ANO6: variants seen among roughly 807,000 people sequenced by gnomAD.
The protein encoded by ANO6 is anoctamin-6.
Under a neutral mutation model 117.5 loss-of-function variants are expected in ANO6, and 106 were observed. The ratio of observed to expected loss-of-function variants is 0.90; its 90% confidence interval spans 0.77 to 1.06. The LOEUF is 1.06. ANO6 is among the 50% of genes least tolerant of loss of function. The pLI is 0.00. For synonymous variants in ANO6, 367 were observed against 385.1 expected, an observed-to-expected ratio of 0.95 and a Z score of 0.55; for missense variants, 955 against 1,121.1, an observed-to-expected ratio of 0.85 and a Z score of 2.12.
Position 45,237,814 on chromosome 12 carries a change from C to T in ANO6, c.70+21423C>T, listed in dbSNP as rs1389873597. ...CATTGAATCTGTAAATTACCTTGGG[C>T]AGTATGGCCGTTTTCACAATATTGA... On this transcript the variant is annotated intron_variant, in intron 1 of 19. Transcript: ENST00000320560. 2.0e-5 allele frequency among the ~76,000 whole-genome samples: 3 copies of T among 152,144 alleles called. No individual in the cohort carries two copies. In the East Asian group the frequency reaches 5.8e-4, roughly 29 times the overall value.
chr12:45,348,934 C>G (rs1941213847), intron 6 of ANO6, among the ~76,000 whole-genome samples: 1 of 152,146 alleles, frequency 6.6e-6, no homozygotes, highest in Admixed American at 6.6e-5. Flanking sequence ...ACCAAAATGC[C>G]TGCCCTGCCA....
At chr12:45,285,643 C>T (rs1021919667) in intron 1 of ANO6, among the ~76,000 whole-genome samples, 2 of 151,534 alleles carry the variant, frequency 1.3e-5, no homozygotes, top group Non-Finnish European at 2.9e-5. Context: ...GCAGGAGAAT[C>T]GCTTGAACCC....
chr12:45,237,449 C>G (rs573134658), intron 1 of ANO6, among the ~76,000 whole-genome samples: 1 of 152,174 alleles, frequency 6.6e-6, no homozygotes, highest in East Asian at 1.9e-4. Context: ...TATGGCTAGC[C>G]AGTTTTCCCA....
At chr12:45,358,236 TC>T (rs1484752130) in intron 8 of ANO6, among the ~76,000 whole-genome samples, 2 of 152,216 alleles carry the variant, frequency 1.3e-5, no homozygotes, top group African/African-American at 2.4e-5. Context: ...GTCAGCCTGC[TC>T]CTGAGTTAGG....
chr12:45,240,612 T>C (rs1051440775), intron 1 of ANO6, among the ~76,000 whole-genome samples: 2 of 152,122 alleles, frequency 1.3e-5, no homozygotes, highest in African/African-American at 4.8e-5. Flanking sequence ...GCTGGTTATT[T>C]TGACCGTTAA....
intron 10 of ANO6, among the ~76,000 whole-genome samples, chr12:45,378,577 A>G (rs1299822593): frequency 6.6e-6 from 1 of 152,130 alleles, no homozygotes; most frequent in Admixed American, 6.6e-5. Flanking sequence ...GCTTCAGTGC[A>G]TATGCATTTT....
rs1441538404 is a variant in ANO6 at position 45,390,487 on chromosome 12, G to A, written c.1375G>A (p.Val459Ile). Reference sequence around the variant, plus strand: ...ACGGATAACCCTCTGTGCCAGTGCTGTCTTTTTCTGGGTAATTCTATCACA... The same window carrying A: ...ACGGATAACCCTCTGTGCCAGTGCTATCTTTTTCTGGGTAATTCTATCACA... ...CIRITLCASA[V>I]FFWILLIIAS... Residue 459 changes from valine (V) to isoleucine (I), a missense_variant, in exon 12 of 20, where the codon GTC (valine) becomes ATC (isoleucine). Coordinates refer to ENST00000320560, the MANE Select transcript of ANO6 (RefSeq NM_001025356.3). 1 of 1,613,370 alleles carries A rather than the reference G, an allele frequency of 6.2e-7. No individual in the cohort carries two copies. Among genetic ancestry groups the A allele is most frequent in the Non-Finnish European group, 8.5e-7 (1 of 1,179,590 alleles).
intron 1 of ANO6, among the ~76,000 whole-genome samples, chr12:45,282,501 C>T (rs1466907986): frequency 2.6e-5 from 4 of 152,038 alleles, no homozygotes; most frequent in Non-Finnish European, 4.4e-5. Context: ...CGTGGCCAGC[C>T]GTGTCAAAGC....
At position 45,421,172 on chromosome 12, in the gene ANO6, A is replaced by G; in HGVS notation, c.2319A>G (p.Glu773=). 1 of 1,614,164 alleles carries G rather than the reference A, an allele frequency of 6.2e-7. No homozygotes were observed. Among genetic ancestry groups the G allele is most frequent in the Non-Finnish European group, 8.5e-7 (1 of 1,180,008 alleles). Residue 773 remains glutamate (E), a synonymous_variant, in exon 18 of 20, where the codon GAA becomes GAG. Coordinates refer to ENST00000320560, the MANE Select transcript of ANO6 (RefSeq NM_001025356.3). ...PYGDHTSYTM[E]GYINNTLSIF... is the part of the protein sequence containing the mutation. ...GGGACCACACTTCCTACACCATGGA[A>G]GGGTACATCAACAACACTCTCTCCA...
Position 45,421,188 on chromosome 12 carries a change from A to G in ANO6, c.2335A>G (p.Thr779Ala), listed in dbSNP as rs1254863655. 6.2e-7 allele frequency: 1 copy of G among 1,613,890 alleles called. No individual in the cohort carries two copies. Among genetic ancestry groups the G allele is most frequent in the South Asian group, 1.1e-5 (1 of 91,058 alleles). Reference sequence around the variant, plus strand: ...CACCATGGAAGGGTACATCAACAACACTCTCTCCATCTTCAAAGTCGCAGA... The same window carrying G: ...CACCATGGAAGGGTACATCAACAACGCTCTCTCCATCTTCAAAGTCGCAGA... Reference protein sequence around the residue: ...SYTMEGYINNTLSIFKVADFK... With the variant: ...SYTMEGYINNALSIFKVADFK... Residue 779 changes from threonine (T) to alanine (A), a missense_variant, in exon 18 of 20, where the codon ACT (threonine) becomes GCT (alanine). Coordinates refer to ENST00000320560, the MANE Select transcript of ANO6 (RefSeq NM_001025356.3).
At chr12:45,272,021 G>A (rs1253459176) in intron 1 of ANO6, among the ~76,000 whole-genome samples, 1 of 152,022 alleles carries the variant, frequency 6.6e-6, no homozygotes, top group Non-Finnish European at 1.5e-5. Flanking sequence ...CATATATCAT[G>A]GAAAATCTTC....
intron 8 of ANO6, among the ~76,000 whole-genome samples, chr12:45,360,189 G>T (rs957306902): frequency 2.6e-5 from 4 of 152,202 alleles, no homozygotes; most frequent in Non-Finnish European, 1.5e-5. Context: ...GTCTGTTTGT[G>T]CTGCTGTAAC....
chr12:45,371,544 TCCCTGAC>T (rs1321098652), intron 9 of ANO6, among the ~76,000 whole-genome samples: 12 of 152,066 alleles, frequency 7.9e-5, no homozygotes, highest in African/African-American at 2.9e-4. Context: ...CTCAAGTGGG[TCCCTGAC>T]CCCTGACCCC....
At chr12:45,258,540 T>C (rs567988230) in intron 1 of ANO6, among the ~76,000 whole-genome samples, 1 of 152,250 alleles carries the variant, frequency 6.6e-6, no homozygotes, top group South Asian at 2.1e-4. Flanking sequence ...TCTTTACTTC[T>C]CTCTCCTCAC....
chr12:45,369,921 C>T (rs10431612), intron 9 of ANO6, among the ~76,000 whole-genome samples: 8,504 of 152,266 alleles, frequency 0.056, 479 homozygotes, highest in East Asian at 0.32. Flanking sequence ...CTCATAAAAA[C>T]ATATTTAGTT....
Position 45,357,443 on chromosome 12 carries a change from T to C in ANO6, c.998+19T>C. On this transcript the variant is annotated intron_variant, in intron 8 of 19. Coordinates refer to ENST00000320560, the MANE Select transcript of ANO6 (RefSeq NM_001025356.3). Reference sequence around the variant, plus strand: ...CATGGAGGTAACCTCTGTTTATTCCTTGTTGCCATGCTGAAAAGTTTATTA... The same window carrying C: ...CATGGAGGTAACCTCTGTTTATTCCCTGTTGCCATGCTGAAAAGTTTATTA... 1 of 1,612,970 alleles carries C rather than the reference T, an allele frequency of 6.2e-7. No homozygotes were observed. Among genetic ancestry groups the C allele is most frequent in the Non-Finnish European group, 8.5e-7 (1 of 1,179,944 alleles).
At position 45,416,877 on chromosome 12, in the gene ANO6, A is replaced by G. The variant is rs777141990; in HGVS notation, c.2190A>G (p.Gly730=). The part of the protein sequence containing the change: ...DIGAWQPIMQ[G]IAILAVVTNA... ...GAGCATGGCAGCCCATCATGCAAGG[A>G]ATAGCAATTCTGGCTGTGGTGACCA... Residue 730 remains glycine (G), a synonymous_variant, in exon 17 of 20, where the codon GGA becomes GGG. Transcript: ENST00000320560. 22 of 1,614,076 alleles carry G rather than the reference A, an allele frequency of 1.4e-5. No individual in the cohort carries two copies. Among genetic ancestry groups the G allele is most frequent in the Non-Finnish European group, 1.6e-5 (19 of 1,180,020 alleles).
chr12:45,327,053 C>G (rs1195872679), intron 2 of ANO6, among the ~76,000 whole-genome samples: 1 of 152,154 alleles, frequency 6.6e-6, no homozygotes, highest in Admixed American at 6.6e-5. Context: ...CCCACTTACT[C>G]AGTTACCTGT....
intron 1 of ANO6, among the ~76,000 whole-genome samples, chr12:45,259,909 G>A (rs927014235): frequency 6.6e-5 from 10 of 152,218 alleles, no homozygotes; most frequent in Non-Finnish European, 1.0e-4. Context: ...CCTCCCACAG[G>A]CACTGTAGGT....
Sources: gnomAD v4.1 joint callset for allele counts (sites outside exome capture counted in the v4.1 genomes callset) on GRCh38, gnomAD v4.1.1 for gene constraint, MANE v1.5 for transcripts, NCBI Gene and HGNC (gene_info 2026-07-23, HGNC 2026-07-21) for gene names.